The following FRMD8 variants were observed in gnomAD, a reference collection of about 807,000 sequenced individuals.
The protein encoded by FRMD8 is FERM domain containing 8.
A neutral mutation model predicts 54.2 loss-of-function variants in FRMD8; 37 were observed. That is an observed-to-expected ratio of 0.68 (90% CI 0.53 to 0.90). FRMD8 has a LOEUF of 0.90. Among genes scored for constraint, FRMD8 ranks in the 40% least tolerant of loss-of-function variants. The pLI is 0.00. For synonymous variants in FRMD8, 246 were observed against 286.9 expected (o/e 0.86, Z 1.44); for missense variants, 585 against 653.7 (o/e 0.89, Z 1.15).
At chr11:65,401,645 C>G (rs966529200) in intron 9 of FRMD8, among the ~76,000 whole-genome samples, 6 of 148,244 alleles carry the variant, frequency 4.0e-5, no homozygotes, top group Admixed American at 2.7e-4. Context: ...GCCCCCTCCC[C>G]CTTCTCAGCT....
rs1266794850 is a variant in FRMD8 at position 65,411,575 on chromosome 11, G to C, written c.*215G>C. The stretch of plus-strand genomic sequence containing the variant: ...GGGCCTCCTGTAGGGCTCCTCTGCA[G>C]CCTGCCCTCCCTTCCCCCGGATGCT... On this transcript the variant is annotated 3_prime_UTR_variant, in exon 11 of 11. Coordinates refer to ENST00000317568, the MANE Select transcript of FRMD8 (RefSeq NM_031904.5). 4 of 455,216 alleles carry C rather than the reference G, an allele frequency of 8.8e-6. No homozygotes were observed. The highest frequency in any genetic ancestry group is 1.6e-5 in the Non-Finnish European group (4 of 254,396). 28.2% of individuals were successfully genotyped at this position (455,216 alleles called of 1,614,324 possible).
At position 65,400,681 on chromosome 11, in the gene FRMD8, C is replaced by G. The variant is rs567860938; in HGVS notation, c.928-43C>G. 1 of 1,514,228 alleles carries G rather than the reference C, an allele frequency of 6.6e-7. No homozygotes were observed. Among genetic ancestry groups the G allele is most frequent in the African/African-American group, 1.4e-5 (1 of 73,084 alleles). 93.8% of individuals were successfully genotyped at this position (1,514,228 alleles called of 1,614,324 possible). On this transcript the variant is annotated intron_variant, in intron 8 of 10. Coordinates refer to ENST00000317568, the MANE Select transcript of FRMD8 (RefSeq NM_031904.5). The surrounding 1 kb of genome is among the most constrained non-coding windows in gnomAD (Gnocchi z 4.3). ...GTGGGATGGGGTGGGGAGCAGACCTCTGCCCAGGGGTCAAGCCTGGCTCTG... is the reference window on the plus strand; with the variant it reads ...GTGGGATGGGGTGGGGAGCAGACCTGTGCCCAGGGGTCAAGCCTGGCTCTG...
chr11:65,372,070 C>T, the FRMD8 span, among the ~76,000 whole-genome samples: 1 of 151,928 alleles, frequency 6.6e-6, no homozygotes, highest in African/African-American at 2.4e-5. Flanking sequence ...TGCCACCACG[C>T]CTGGCTAATT....
At chr11:65,389,620 A>G in intron 3 of FRMD8, 92 bp downstream of exon 3, 1 of 1,344,152 alleles carries the variant, frequency 7.4e-7, no homozygotes, top group Non-Finnish European at 1.0e-6. Flanking sequence ...GCCGCTGGGG[A>G]GCCGCTGGCC....
chr11:65,387,471 C>G (rs1855756562), intron 2 of FRMD8, among the ~76,000 whole-genome samples: 2 of 152,058 alleles, frequency 1.3e-5, no homozygotes, highest in South Asian at 4.2e-4. Context: ...TCGAGACCAG[C>G]CTGGGCAACA....
In FRMD8 at chr11:65,389,483, A is replaced by G; in HGVS notation, c.208A>G (p.Ile70Val). 2 of 1,607,804 alleles carry G rather than the reference A, an allele frequency of 1.2e-6. No homozygotes were observed. Among genetic ancestry groups the G allele is most frequent in the Non-Finnish European group, 1.7e-6 (2 of 1,179,806 alleles). ...AVREVLQLPD[I>V]ALDVFALWLV... Reference sequence around the variant, plus strand: ...CCGCGAGGTCCTGCAGCTTCCAGACATCGCCCTGGATGTCTTCGCGCTCTG... The same window carrying G: ...CCGCGAGGTCCTGCAGCTTCCAGACGTCGCCCTGGATGTCTTCGCGCTCTG... The change falls in exon 3 of 11, where the codon ATC (isoleucine) becomes GTC (valine). Residue 70 changes from isoleucine (I) to valine (V), a missense_variant. Physicochemically the swap from Ile to Val is conservative, Grantham distance 29. Coordinates refer to ENST00000317568, the MANE Select transcript of FRMD8 (RefSeq NM_031904.5).
chr11:65,398,160 G>C (rs1855997159), intron 7 of FRMD8, among the ~76,000 whole-genome samples: 1 of 152,078 alleles, frequency 6.6e-6, no homozygotes, highest in Non-Finnish European at 1.5e-5. Flanking sequence ...CACCACGCCT[G>C]GCCTAATTTT....
chr11:65,411,217 A>G, intron 10 of FRMD8, 25 bp from the exon 11 acceptor site: 1 of 1,579,178 alleles, frequency 6.3e-7, no homozygotes, highest in South Asian at 1.1e-5. Context: ...GCCTCTGCTC[A>G]GTGTGCCCTC....
intron 10 of FRMD8, among the ~76,000 whole-genome samples, chr11:65,407,154 C>T (rs1856218211): frequency 6.6e-6 from 1 of 152,076 alleles, no homozygotes; most frequent in Non-Finnish European, 1.5e-5. Context: ...GAACTCTCTA[C>T]ACCTTTACAG....
the FRMD8 span, chr11:65,379,961 T>C: frequency 6.2e-7 from 1 of 1,613,948 alleles, no homozygotes; most frequent in South Asian, 1.1e-5. Flanking sequence ...ACAGAGCAGG[T>C]AGGGTGGCGG....
chr11:65,394,363 C>A lies in FRMD8; in HGVS notation c.519C>A (p.Ala173=). ...TGGAGGACTGCGAGGCTCTGGGCGC[C>A]CTGGTGTGCCGCGTGCAGCTTGGGC... ...CDVEDCEALG[A]LVCRVQLGPY... The change falls in exon 6 of 11, where the codon GCC becomes GCA. Residue 173 remains alanine, a synonymous_variant. Transcript: ENST00000317568. 6.3e-7 allele frequency: 1 copy of A among 1,577,302 alleles called. No individual in the cohort carries two copies.
upstream of FRMD8, among the ~76,000 whole-genome samples, chr11:65,386,142 T>C (rs896956471): frequency 1.3e-5 from 2 of 152,146 alleles, no homozygotes; most frequent in Non-Finnish European, 2.9e-5. Context: ...GGATAGTCCT[T>C]GGGGGTCATT....
At chr11:65,388,003 T>G (rs781022445) in intron 2 of FRMD8, among the ~76,000 whole-genome samples, 4 of 151,956 alleles carry the variant, frequency 2.6e-5, no homozygotes, top group Non-Finnish European at 4.4e-5. Context: ...CTGTCTCTAC[T>G]AAAAATGCAA....
chr11:65,386,285 G>C (rs939042122), upstream of FRMD8, among the ~76,000 whole-genome samples: 1 of 152,200 alleles, frequency 6.6e-6, no homozygotes, highest in Non-Finnish European at 1.5e-5. Flanking sequence ...GCCGCTGCCA[G>C]CGCCGCATGG....
rs755793705 is a variant in FRMD8, at chr11:65,411,322, A to G, written c.1357A>G (p.Thr453Ala). ...RQLSLGQGSY[T>A]VVQPGDSLEQ... ...GCTGTCCTTGGGCCAGGGGAGCTAC[A>G]CCGTGGTGCAGCCCGGCGACAGCCT... is the stretch of plus-strand genomic sequence containing the variant. The change falls in exon 11 of 11, where the codon ACC becomes GCC. Residue 453 changes from threonine to alanine, a missense_variant. By Grantham distance (58) the Thr-to-Ala change is moderately conservative. Transcript: ENST00000317568. The G allele has an allele frequency of 1.2e-6, 2 of 1,606,974 alleles. No individual in the cohort carries two copies. Among genetic ancestry groups the G allele is most frequent in the East Asian group, 2.2e-5 (1 of 44,678 alleles).
intron 10 of FRMD8, among the ~76,000 whole-genome samples, chr11:65,405,777 G>C (rs1565612864): frequency 6.6e-6 from 1 of 152,060 alleles, no homozygotes; most frequent in Non-Finnish European, 1.5e-5. Flanking sequence ...AGACAAAGAG[G>C]ATCACTTGAG....
chr11:65,380,616 C>A, the FRMD8 span: 2 of 1,292,454 alleles, frequency 1.5e-6, no homozygotes, highest in Non-Finnish European at 2.0e-6. Flanking sequence ...CAGCTGGCCA[C>A]GCAGAACTGC....
rs771324011 is a variant in FRMD8 at position 65,411,354 on chromosome 11, G to A, written c.1389G>A (p.Gln463=). 3.1e-6 allele frequency: 5 copies of A among 1,592,106 alleles called. No individual in the cohort carries two copies. Among genetic ancestry groups the A allele is most frequent in the Non-Finnish European group, 4.3e-6 (5 of 1,169,802 alleles). ...TVVQPGDSLE[Q]G ...TGCAGCCCGGCGACAGCCTGGAGCAGGGCTGAGGACGCTGCACCCGGCAGG... is the reference window on the plus strand; with the variant it reads ...TGCAGCCCGGCGACAGCCTGGAGCAAGGCTGAGGACGCTGCACCCGGCAGG... Residue 463 remains glutamine, a synonymous_variant, in exon 11 of 11, where the codon CAG becomes CAA. Transcript: ENST00000317568.
At chr11:65,382,517 C>T (rs924177502), upstream of FRMD8, 13 of 155,846 alleles carry the variant, frequency 8.3e-5, no homozygotes, top group South Asian at 1.7e-3. This position sits in a 1 kb window ranked among gnomAD's most constrained non-coding sequence, Gnocchi z 4.4. Flanking sequence ...GGGTTGTTTA[C>T]GACTCCCCCG....
Sources: gnomAD v4.1 joint callset for allele counts (sites outside exome capture counted in the v4.1 genomes callset) on GRCh38, gnomAD v4.1.1 for gene constraint, Gnocchi (gnomAD v3.1) non-coding constraint, MANE v1.5 for transcripts, NCBI Gene and HGNC (gene_info 2026-07-23, HGNC 2026-07-21) for gene names.